SMAD1: variants seen among roughly 807,000 people sequenced by gnomAD.
SMAD1 encodes the protein MAD, mothers against decapentaplegic homolog 1.
SMAD1 carries 6 observed loss-of-function variants against 41.6 expected under a neutral mutation model. The observed-to-expected ratio is 0.14, with a 90% CI of 0.08 to 0.28. The LOEUF is 0.28. Ranked by LOEUF, SMAD1 falls within the 10% of genes least tolerant of loss-of-function variation. The probability of loss-of-function intolerance (pLI) is 1.00; values close to 1 mark genes in which losing one functional copy is unlikely to be tolerated. For missense variants in SMAD1, 379 were observed against 582.6 expected (o/e 0.65, Z 3.60); for synonymous variants, 206 against 203.2 (o/e 1.01, Z -0.12).
At chr4:145,543,029 C>T (rs1578817258) in intron 4 of SMAD1, among the ~76,000 whole-genome samples, 2 of 151,514 alleles carry the variant, frequency 1.3e-5, no homozygotes, top group Admixed American at 6.6e-5. Context: ...GGCTGGAGCA[C>T]GATCTTGGTT....
At chr4:145,486,387 C>T (rs1473557645) in intron 1 of SMAD1, among the ~76,000 whole-genome samples, 3 of 152,138 alleles carry the variant, frequency 2.0e-5, no homozygotes, top group African/African-American at 7.2e-5. Flanking sequence ...TTCAGTTTGT[C>T]TGTCTTACCA....
At chr4:145,506,632 G>T (rs914061623) in intron 1 of SMAD1, among the ~76,000 whole-genome samples, 4 of 151,940 alleles carry the variant, frequency 2.6e-5, no homozygotes, top group Non-Finnish European at 5.9e-5. Context: ...TGTAACATTT[G>T]GTGGTTACTC....
chr4:145,497,032 C>T (rs190163337), intron 1 of SMAD1: 2 of 152,248 alleles, frequency 1.3e-5, no homozygotes, highest in Non-Finnish European at 2.9e-5. Context: ...TACAGATTTT[C>T]CACAGCAATT....
chr4:145,519,510 C>T (rs1399051919), intron 2 of SMAD1, among the ~76,000 whole-genome samples: 1 of 149,252 alleles, frequency 6.7e-6, no homozygotes. Context: ...TTTTAATTAG[C>T]GAGGCATGGT....
chr4:145,536,176 C>G (rs1418926252), intron 2 of SMAD1, among the ~76,000 whole-genome samples: 1 of 152,034 alleles, frequency 6.6e-6, no homozygotes, highest in Non-Finnish European at 1.5e-5. Flanking sequence ...AATGAAAACC[C>G]TGTGGAGTTG....
intron 1 of SMAD1, among the ~76,000 whole-genome samples, chr4:145,483,357 T>C (rs1362734711): frequency 6.6e-6 from 1 of 152,200 alleles, no homozygotes; most frequent in Non-Finnish European, 1.5e-5. Context: ...CATCTCTGGG[T>C]CTAATTGCCT....
intron 1 of SMAD1, among the ~76,000 whole-genome samples, chr4:145,488,177 A>AT (rs1371968325): frequency 1.3e-5 from 2 of 151,510 alleles, no homozygotes; most frequent in East Asian, 1.9e-4. Flanking sequence ...CTTAACAAAT[A>AT]TTTTTTTTGA....
In SMAD1 at chr4:145,558,425, C is replaced by T. The variant is rs917007247; in HGVS notation, c.*491C>T. Among the ~76,000 whole-genome samples, 3 of 151,980 alleles carry T rather than the reference C, an allele frequency of 2.0e-5. No homozygotes were observed. Among genetic ancestry groups the T allele is most frequent in the East Asian group, 1.9e-4 (1 of 5,190 alleles). On this transcript the variant is annotated 3_prime_UTR_variant, in exon 7 of 7. Transcript: ENST00000302085. ...CTATTTGTTTAGCGATGGTTTTGTT[C>T]GTTTAAGTAAAGGTTAATCTTGATG... is the stretch of plus-strand genomic sequence containing the variant.
At position 145,542,679 on chromosome 4, in the gene SMAD1, C is replaced by G. The variant is rs1225721691; in HGVS notation, c.756C>G (p.Pro252=). ...MDTNMMAPPL[P]SEINRGDVQA... ...CAAACATGATGGCGCCTCCCCTGCC[C>G]TCAGAAATCAACAGAGGAGGTAAAA... The change falls in exon 4 of 7, where the codon CCC becomes CCG. Residue 252 remains proline (P), a synonymous_variant. Transcript: ENST00000302085. The G allele has an allele frequency of 1.2e-6, 2 of 1,611,214 alleles. No individual in the cohort carries two copies. The highest frequency in any genetic ancestry group is 1.7e-5 in the Admixed American group (1 of 59,770).
chr4:145,544,176 A>T (rs1419063571), intron 4 of SMAD1: 1 of 151,568 alleles, frequency 6.6e-6, no homozygotes, highest in East Asian at 2.0e-4. Context: ...GGGGATATTA[A>T]TAATGAGGGA....
chr4:145,538,129 A>G (rs1162126340), intron 2 of SMAD1, among the ~76,000 whole-genome samples: 1 of 152,250 alleles, frequency 6.6e-6, no homozygotes, highest in Non-Finnish European at 1.5e-5. Flanking sequence ...AAGTTGGGAA[A>G]TGGTAATTCA....
intron 2 of SMAD1, among the ~76,000 whole-genome samples, chr4:145,520,204 T>C (rs1254335442): frequency 4.6e-5 from 7 of 152,172 alleles, no homozygotes; most frequent in Admixed American, 4.6e-4. Flanking sequence ...TCCAGCAGTC[T>C]CACAACTGGG....
At position 145,540,082 on chromosome 4, in the gene SMAD1, A is replaced by G. The variant is rs1310434372; in HGVS notation, c.658+21A>G. 4 of 1,613,644 alleles carry G rather than the reference A, an allele frequency of 2.5e-6. No individual in the cohort carries two copies. The African/African-American group carries it at 4.0e-5, about 16-fold the overall frequency. On this transcript the variant is annotated intron_variant, in intron 3 of 6. Coordinates refer to ENST00000302085, the MANE Select transcript of SMAD1 (RefSeq NM_005900.3). ...GCCAGGTAGGTTGGAATGTTCAGTG[A>G]TGTTCTGTAGTCATATCAGACAGTG...
At chr4:145,492,132 C>CT (rs1728801080) in intron 1 of SMAD1, among the ~76,000 whole-genome samples, 1 of 152,198 alleles carries the variant, frequency 6.6e-6, no homozygotes, top group Non-Finnish European at 1.5e-5. Context: ...TGCTCTCACA[C>CT]TACAACAGTC....
At chr4:145,556,278 T>A (rs4395527) in intron 6 of SMAD1, among the ~76,000 whole-genome samples, 24,311 of 152,114 alleles carry the variant, frequency 0.16, 4,205 homozygotes, top group African/African-American at 0.42. Flanking sequence ...GATAAATTCC[T>A]GCCTTCAAAG....
chr4:145,498,154 T>C (rs1729199311), intron 1 of SMAD1: 1 of 152,216 alleles, frequency 6.6e-6, no homozygotes. Context: ...AATTCATGCA[T>C]TGAAAAATTT....
chr4:145,520,687 C>T (rs935866304), intron 2 of SMAD1, among the ~76,000 whole-genome samples: 7 of 152,026 alleles, frequency 4.6e-5, no homozygotes, highest in Non-Finnish European at 1.0e-4. Context: ...TTTAAGTGGG[C>T]GGGGAAGTTG....
At chr4:145,485,819 A>G (rs1276162582) in intron 1 of SMAD1, among the ~76,000 whole-genome samples, 1 of 152,218 alleles carries the variant, frequency 6.6e-6, no homozygotes, top group East Asian at 1.9e-4. Context: ...TACTGTATGT[A>G]TGCCAGGCAT....
In SMAD1 at chr4:145,482,212, GGCGGGCCGCGAC is replaced by G. The variant is rs1560715479; in HGVS notation, c.-177+175_-177+186del. The stretch of plus-strand genomic sequence containing the variant: ...CGGGAAGGGGGCTCTTTCTGCGCGG[GGCGGGCCGCGAC>G]CCCCCCCCCCCATGATGGCGCCTCC... On this transcript the variant is annotated intron_variant, in intron 1 of 6. Transcript: ENST00000302085. The surrounding 1 kb of genome is among the most constrained non-coding windows in gnomAD (Gnocchi z 4.2). Among the ~76,000 whole-genome samples, 1 of 145,120 alleles carries G rather than the reference GGCGGGCCGCGAC, an allele frequency of 6.9e-6. No individual in the cohort carries two copies. Among genetic ancestry groups the G allele is most frequent in the Admixed American group, 6.8e-5 (1 of 14,690 alleles).
Sources: gnomAD v4.1 joint callset for allele counts (sites outside exome capture counted in the v4.1 genomes callset) on GRCh38, gnomAD v4.1.1 for gene constraint, Gnocchi (gnomAD v3.1) non-coding constraint, MANE v1.5 for transcripts, NCBI Gene and HGNC (gene_info 2026-07-23, HGNC 2026-07-21) for gene names.